RIMS2: variants seen among roughly 807,000 people sequenced by gnomAD.
RIMS2 encodes regulating synaptic membrane exocytosis protein 2.
A neutral mutation model predicts 174.4 loss-of-function variants in RIMS2; 59 were observed. That is an observed-to-expected ratio of 0.34 (90% CI 0.27 to 0.42). RIMS2 has a LOEUF of 0.42. Among genes scored for constraint, RIMS2 ranks in the 10% least tolerant of loss-of-function variants. The pLI is 1.00. For missense variants in RIMS2, 1,620 were observed against 1,666.3 expected (o/e 0.97, Z 0.48); for synonymous variants, 606 against 572.5 (o/e 1.06, Z -0.84).
rs925103596 is a variant in RIMS2 at position 103,555,656 on chromosome 8, G to T, written c.176+54594G>T. On this transcript the variant is annotated intron_variant, in intron 1 of 23. Coordinates refer to ENST00000504942, the Ensembl canonical transcript of RIMS2. ...ATGAATAAAGAAAAAATCTGGCCAG[G>T]CATGGTGGTTAATGCTGGTAATCCC... is the stretch of plus-strand genomic sequence containing the variant. Among the ~76,000 whole-genome samples, 9 of 152,132 alleles carry T rather than the reference G, an allele frequency of 5.9e-5. No homozygotes were observed. The East Asian group carries it at 1.5e-3, about 26-fold the overall frequency.
chr8:104,052,717 G>A (rs1322677801), intron 19 of RIMS2, among the ~76,000 whole-genome samples: 1 of 152,086 alleles, frequency 6.6e-6, no homozygotes, highest in Non-Finnish European at 1.5e-5. Flanking sequence ...TGCTAAGGGG[G>A]CCCACTTGGG....
chr8:103,679,913 C>T (rs72679453), intron 1 of RIMS2, among the ~76,000 whole-genome samples: 1 of 152,046 alleles, frequency 6.6e-6, no homozygotes, highest in East Asian at 1.9e-4. Flanking sequence ...TTGTAAATAG[C>T]ATTTTATTGG....
intron 1 of RIMS2, among the ~76,000 whole-genome samples, chr8:103,637,197 A>T (rs1442679040): frequency 6.6e-6 from 1 of 152,036 alleles, no homozygotes; most frequent in Non-Finnish European, 1.5e-5. Context: ...CTTTCACTCC[A>T]CCATGGCCAC....
chr8:104,172,823 A>T (rs1245086103), intron 19 of RIMS2, among the ~76,000 whole-genome samples: 1 of 152,226 alleles, frequency 6.6e-6, no homozygotes, highest in Non-Finnish European at 1.5e-5. Context: ...ATAATTTTAA[A>T]ATCTCAAAAT....
At chr8:104,057,250 T>C (rs2096886028) in intron 19 of RIMS2, among the ~76,000 whole-genome samples, 1 of 151,884 alleles carries the variant, frequency 6.6e-6, no homozygotes, top group South Asian at 2.1e-4. Flanking sequence ...TATTTTTTGT[T>C]GAGAAGAGGT....
intron 1 of RIMS2, among the ~76,000 whole-genome samples, chr8:103,560,325 C>T (rs527694200): frequency 6.6e-6 from 1 of 151,878 alleles, no homozygotes; most frequent in Non-Finnish European, 1.5e-5. Flanking sequence ...TGCAGTGAGC[C>T]AAGATTGCGC....
intron 19 of RIMS2, among the ~76,000 whole-genome samples, chr8:104,083,569 G>A (rs1019074463): frequency 2.6e-5 from 4 of 152,130 alleles, no homozygotes; most frequent in South Asian, 4.1e-4. Context: ...TCTTAGTGAC[G>A]GTTTCTTTAT....
intron 3 of RIMS2, among the ~76,000 whole-genome samples, chr8:103,824,549 TATA>T (rs2098774676): frequency 2.0e-5 from 3 of 152,206 alleles, no homozygotes. Flanking sequence ...CGTTAAAAAT[TATA>T]GTATCTTAAA....
At chr8:104,061,014 T>C (rs564997510) in intron 19 of RIMS2, among the ~76,000 whole-genome samples, 3 of 152,330 alleles carry the variant, frequency 2.0e-5, no homozygotes, top group African/African-American at 7.2e-5. Flanking sequence ...TTGGAATAGG[T>C]GCAGTGTGGT....
intron 14 of RIMS2, among the ~76,000 whole-genome samples, chr8:103,960,855 A>C (rs2089785900): frequency 6.6e-6 from 1 of 152,170 alleles, no homozygotes; most frequent in Non-Finnish European, 1.5e-5. Context: ...ATAATTGTAT[A>C]AATTGTTAAC....
At chr8:104,034,573 G>A (rs1430194386) in intron 19 of RIMS2, among the ~76,000 whole-genome samples, 1 of 149,904 alleles carries the variant, frequency 6.7e-6, no homozygotes, top group Non-Finnish European at 1.5e-5. Context: ...TGGTTCAAGC[G>A]ATTCTCCTGC....
intron 1 of RIMS2, among the ~76,000 whole-genome samples, chr8:103,605,234 T>C (rs1429279421): frequency 7.6e-6 from 1 of 132,044 alleles, no homozygotes; most frequent in Non-Finnish European, 1.6e-5. Flanking sequence ...TGTCAAAGGC[T>C]TTTTCTGCAT....
chr8:103,678,322 A>T (rs1453665814), intron 1 of RIMS2, among the ~76,000 whole-genome samples: 1 of 152,206 alleles, frequency 6.6e-6, no homozygotes, highest in Non-Finnish European at 1.5e-5. Flanking sequence ...TATGCTAGTC[A>T]CTGGGATAAA....
chr8:103,805,123 TTATG>T (rs1206132676), intron 3 of RIMS2, among the ~76,000 whole-genome samples: 1 of 152,170 alleles, frequency 6.6e-6, no homozygotes, highest in African/African-American at 2.4e-5. Flanking sequence ...GTATCTATTT[TTATG>T]TATGTGTTTT....
intron 1 of RIMS2, among the ~76,000 whole-genome samples, chr8:103,511,495 C>T (rs142888218): frequency 6.6e-6 from 1 of 152,228 alleles, no homozygotes; most frequent in African/African-American, 2.4e-5. Context: ...CATAAGTGTG[C>T]CTTCATATAT....
At chr8:103,939,665 T>A (rs1480336654) in intron 13 of RIMS2, among the ~76,000 whole-genome samples, 1 of 152,238 alleles carries the variant, frequency 6.6e-6, no homozygotes, top group Non-Finnish European at 1.5e-5. Context: ...TATCGCATTG[T>A]CAGGATACAA....
chr8:103,784,357 G>C (rs1190249917), intron 3 of RIMS2, among the ~76,000 whole-genome samples: 1 of 150,072 alleles, frequency 6.7e-6, no homozygotes, highest in African/African-American at 2.4e-5. Context: ...CCTATGTCCT[G>C]AATGGTAATG....
At chr8:103,889,396 G>C (rs893946435) in intron 4 of RIMS2, among the ~76,000 whole-genome samples, 1 of 151,302 alleles carries the variant, frequency 6.6e-6, no homozygotes, top group Admixed American at 6.6e-5. Flanking sequence ...TTACTTTTCT[G>C]TTTTTTTCAA....
At chr8:103,539,272 G>A (rs1841392878) in intron 1 of RIMS2, among the ~76,000 whole-genome samples, 1 of 152,078 alleles carries the variant, frequency 6.6e-6, no homozygotes, top group Non-Finnish European at 1.5e-5. Context: ...TTCATTTAGG[G>A]AAAAATGTCC....
Sources: allele counts gnomAD v4.1 joint callset (sites outside exome capture counted in the v4.1 genomes callset), GRCh38; gene constraint gnomAD v4.1.1; transcripts MANE v1.5; gene names NCBI Gene and HGNC (gene_info 2026-07-23, HGNC 2026-07-21).